Variants in DNAH9 observed in about 807,000 individuals in gnomAD.
The protein encoded by DNAH9 is dynein axonemal heavy chain 9, also known as DNAH9 variant protein.
DNAH9 carries 345 observed loss-of-function variants against 471.6 expected under a neutral mutation model. That is an observed-to-expected ratio of 0.73 (90% CI 0.67 to 0.80). The LOEUF is 0.80. Among genes scored for constraint, DNAH9 ranks in the 30% least tolerant of loss-of-function variants. DNAH9 has a pLI of 0.00. For missense variants in DNAH9, 5,407 were observed against 5,609.2 expected, an observed-to-expected ratio of 0.96 and a Z score of 1.15; for synonymous variants, 2,093 against 2,123.6, an observed-to-expected ratio of 0.99 and a Z score of 0.40.
At chr17:11,797,454 G>T in intron 42 of DNAH9, 143 bp from the exon 43 acceptor site, 1 of 619,552 alleles carries the variant, frequency 1.6e-6, no homozygotes, top group South Asian at 2.3e-5. Flanking sequence ...ACTTAAAAGG[G>T]CTTCTCAAGA....
At chr17:11,748,148 C>CAAAA (rs71142241) in intron 32 of DNAH9, among the ~76,000 whole-genome samples, 2 of 64,668 alleles carry the variant, frequency 3.1e-5, no homozygotes, top group African/African-American at 6.3e-5. Context: ...ACTAAAAATA[C>CAAAA]AAAAAAAAAA....
At chr17:11,730,996 G>A (rs148383197) in intron 28 of DNAH9, among the ~76,000 whole-genome samples, 1 of 149,198 alleles carries the variant, frequency 6.7e-6, no homozygotes, top group Admixed American at 6.6e-5. Context: ...GATGATAATG[G>A]TGATGGTGGT....
intron 61 of DNAH9, among the ~76,000 whole-genome samples, chr17:11,909,312 C>T (rs139092055): frequency 1.3e-3 from 205 of 152,242 alleles, no homozygotes; most frequent in African/African-American, 4.7e-3. Flanking sequence ...TCCACACTCC[C>T]AATCATCCCC....
rs138861110 is a variant in DNAH9 at position 11,704,343 on chromosome 17, G to T, written c.5292G>T (p.Leu1764=). 9 of 1,614,070 alleles carry T rather than the reference G, an allele frequency of 5.6e-6. No individual in the cohort carries two copies. In the African/African-American group the frequency reaches 1.2e-4, roughly 22 times the overall value. ...VAQLKTLITM[L]IGQLSKGDRQ... ...AGCTCAAAACCCTTATCACCATGCTGATTGGCCAGCTCTCCAAGGGAGACC... is the reference window on the plus strand; with the variant it reads ...AGCTCAAAACCCTTATCACCATGCTTATTGGCCAGCTCTCCAAGGGAGACC... Residue 1764 remains leucine (L), a synonymous_variant, in exon 25 of 69, where the codon CTG becomes CTT. Coordinates refer to ENST00000262442, the MANE Select transcript of DNAH9 (RefSeq NM_001372.4).
At chr17:11,829,611 A>G (rs534466792) in intron 48 of DNAH9, among the ~76,000 whole-genome samples, 1 of 152,244 alleles carries the variant, frequency 6.6e-6, no homozygotes, top group Non-Finnish European at 1.5e-5. Flanking sequence ...AGCTGGAACT[A>G]CAGGTGCGTG....
intron 44 of DNAH9, 122 bp downstream of exon 44, chr17:11,808,016 T>G: frequency 1.7e-6 from 2 of 1,179,884 alleles, no homozygotes; most frequent in Non-Finnish European, 2.3e-6. Context: ...GTCTGTCCAT[T>G]TCTGTCTTAG....
At chr17:11,654,515 C>T (rs1264979065) in intron 14 of DNAH9, among the ~76,000 whole-genome samples, 2 of 151,870 alleles carry the variant, frequency 1.3e-5, no homozygotes, top group Non-Finnish European at 2.9e-5. Flanking sequence ...ATCACAAAAT[C>T]AGTGAGACAA....
rs1253000240 is a variant in DNAH9 at position 11,939,813 on chromosome 17, T to C, written c.12660+2291T>C. ...GAGGTTGGCATGTTAGATACATGGA[T>C]GGATGGATGGATGGATGGATGGATG... On this transcript the variant is annotated intron_variant, in intron 66 of 68. Transcript: ENST00000262442. Among the ~76,000 whole-genome samples, 4 of 150,360 alleles carry C rather than the reference T, an allele frequency of 2.7e-5. No homozygotes were observed. The East Asian group carries it at 7.8e-4, about 29-fold the overall frequency.
intron 48 of DNAH9, among the ~76,000 whole-genome samples, chr17:11,825,068 G>T (rs1223856542): frequency 6.6e-6 from 1 of 151,858 alleles, no homozygotes; most frequent in Non-Finnish European, 1.5e-5. Context: ...AATTATCTGT[G>T]ATACCCCTGT....
intron 22 of DNAH9, among the ~76,000 whole-genome samples, chr17:11,698,263 A>ATTATATAATGTATTATATTAATATATAAT (rs1201619905): frequency 1.4e-4 from 1 of 7,058 alleles, no homozygotes; most frequent in Non-Finnish European, 4.2e-4. Context: ...AATATATAAT[A>ATTATATAATGTATTATATTAATATATAAT]ATTATATAAT....
At chr17:11,715,423 A>G (rs2074941966) in intron 26 of DNAH9, among the ~76,000 whole-genome samples, 2 of 152,152 alleles carry the variant, frequency 1.3e-5, no homozygotes, top group Non-Finnish European at 2.9e-5. Context: ...GAACCAGCCC[A>G]CTGTGGAATG....
rs146479561 is a variant in DNAH9, at chr17:11,647,104, G to C, written c.2003G>C (p.Arg668Pro). Residue 668 changes from arginine to proline, a missense_variant, in exon 12 of 69, where the codon CGG becomes CCG. Physicochemically the swap from Arg to Pro is moderately radical, Grantham distance 103 (BLOSUM62 -2). Around this residue, in one of 3 missense-constraint regions of DNAH9, gnomAD observed 4,636 missense variants for 4,900.3 expected, o/e 0.95. Coordinates refer to ENST00000262442, the MANE Select transcript of DNAH9 (RefSeq NM_001372.4). Reference sequence around the variant, plus strand: ...ACAAGACTTTATGAGGATTGGTGCCGGACAGTATCAGAGAAGTCACAGTAC... The same window carrying C: ...ACAAGACTTTATGAGGATTGGTGCCCGACAGTATCAGAGAAGTCACAGTAC... ...YETRLYEDWCRTVSEKSQYNL... is the reference protein window; with the variant it reads ...YETRLYEDWCPTVSEKSQYNL... 3 of 1,613,718 alleles carry C rather than the reference G, an allele frequency of 1.9e-6. No individual in the cohort carries two copies. The African/African-American group carries it at 4.0e-5, about 22-fold the overall frequency.
At position 11,719,385 on chromosome 17, in the gene DNAH9, C is replaced by A. The variant is rs61739497; in HGVS notation, c.5604C>A (p.Pro1868=). 6.2e-7 allele frequency: 1 copy of A among 1,613,984 alleles called. No homozygotes were observed. Among genetic ancestry groups the A allele is most frequent in the East Asian group, 2.2e-5 (1 of 44,864 alleles). The change falls in exon 27 of 69, where the codon CCC becomes CCA. Residue 1868 remains proline, a synonymous_variant. Transcript: ENST00000262442. ...TGCACCTGACCATGAGTGGGGCTCC[C>A]GCAGGACCTGCAGGCACAGGCAAGA... ...QSLHLTMSGA[P]AGPAGTGKTE...
Position 11,848,661 on chromosome 17 carries a change from TA to T in DNAH9, c.9508-5340del, listed in dbSNP as rs1480517627. The stretch of plus-strand genomic sequence containing the variant: ...AATCCCACTTCCAAGAAGATTGCCG[TA>T]AGTAACTAAAATTTTCACTTACATA... On this transcript the variant is annotated intron_variant, in intron 49 of 68. Transcript: ENST00000262442. Among the ~76,000 whole-genome samples, 37 of 152,246 alleles carry T rather than the reference TA, an allele frequency of 2.4e-4. No homozygotes were observed. In the East Asian group the frequency reaches 7.1e-3, roughly 29 times the overall value.
In DNAH9 at chr17:11,929,779, C is replaced by G. The variant is rs145507845; in HGVS notation, c.11878-87C>G. On this transcript the variant is annotated intron_variant, in intron 62 of 68. Coordinates refer to ENST00000262442, the MANE Select transcript of DNAH9 (RefSeq NM_001372.4). ...TTATGTGATGCTAAGACCAGTCCCCCCTCTGGCTGCCTTCCTGACAACTAT... is the reference window on the plus strand; with the variant it reads ...TTATGTGATGCTAAGACCAGTCCCCGCTCTGGCTGCCTTCCTGACAACTAT... 4.5e-5 allele frequency: 50 copies of G among 1,106,466 alleles called. 1 individual carries two copies. The highest frequency in any genetic ancestry group is 4.4e-4 in the African/African-American group (28 of 63,836). The allele number at this position is 1,106,466 out of a possible 1,614,324, so 68.5% of individuals were successfully genotyped here. A position where few individuals can be genotyped will look rare whatever the true frequency, so the allele number is the denominator to read the frequency against.
intron 38 of DNAH9, among the ~76,000 whole-genome samples, chr17:11,772,790 T>C (rs1190029416): frequency 6.6e-6 from 1 of 152,144 alleles, no homozygotes; most frequent in Non-Finnish European, 1.5e-5. Flanking sequence ...CCATAACCTC[T>C]CCTGTCCAGA....
intron 67 of DNAH9, among the ~76,000 whole-genome samples, chr17:11,952,904 C>T (rs539724388): frequency 3.3e-5 from 5 of 152,170 alleles, no homozygotes; most frequent in Admixed American, 2.0e-4. Context: ...GCTCAAGCAC[C>T]GGCAAATTTG....
rs2074558191 is a variant in DNAH9, at chr17:11,699,758, G to A, written c.4900G>A (p.Asp1634Asn). ...QVQRHLSKLF[D>N]NMAKMRFQLD... ...TCAACGTCACCTTTCCAAACTCTTTGACAACATGGCCAAGATGCGATTCCA... is the reference window on the plus strand; with the variant it reads ...TCAACGTCACCTTTCCAAACTCTTTAACAACATGGCCAAGATGCGATTCCA... The change falls in exon 23 of 69, where the codon GAC becomes AAC. Residue 1634 changes from aspartate to asparagine, a missense_variant. Physicochemically the swap from Asp to Asn is conservative, Grantham distance 23 (BLOSUM62 1). This residue lies in a region of DNAH9 where 4,636 missense variants were observed against 4,900.3 expected (regional missense o/e 0.95). Transcript: ENST00000262442. 2 of 1,614,116 alleles carry A rather than the reference G, an allele frequency of 1.2e-6. No homozygotes were observed. Among genetic ancestry groups the A allele is most frequent in the Admixed American group, 3.3e-5 (2 of 60,024 alleles).
Position 11,598,642 on chromosome 17 carries a change from G to T in DNAH9, c.144G>T (p.Gly48=). ...PAAGAWERCA[G]SAEAEQLLQA... is the part of the protein sequence containing the mutation. ...CGGGCGCCTGGGAGCGTTGCGCGGGGAGTGCTGAGGCGGAGCAGCTGCTCC... is the reference window on the plus strand; with the variant it reads ...CGGGCGCCTGGGAGCGTTGCGCGGGTAGTGCTGAGGCGGAGCAGCTGCTCC... The change falls in exon 1 of 69, where the codon GGG becomes GGT. Residue 48 remains glycine, a synonymous_variant. Transcript: ENST00000262442. 1.5e-6 allele frequency: 2 copies of T among 1,343,178 alleles called. No homozygotes were observed. Among genetic ancestry groups the T allele is most frequent in the Non-Finnish European group, 1.9e-6 (2 of 1,051,614 alleles). 83.2% of individuals were successfully genotyped at this position (1,343,178 alleles called of 1,614,324 possible). A position where few individuals can be genotyped will look rare whatever the true frequency, so the allele number is the denominator to read the frequency against.
Sources: allele counts gnomAD v4.1 joint callset (sites outside exome capture counted in the v4.1 genomes callset), GRCh38; gene constraint gnomAD v4.1.1; regional missense constraint gnomAD v4.1.1; transcripts MANE v1.5; gene names NCBI Gene and HGNC (gene_info 2026-07-23, HGNC 2026-07-21).